BRINP3: variants seen among roughly 807,000 people sequenced by gnomAD.
BRINP3 encodes the protein BMP/retinoic acid inducible neural specific 3.
Under a neutral mutation model 71.0 loss-of-function variants are expected in BRINP3, and 19 were observed. That is an observed-to-expected ratio of 0.27 (90% CI 0.19 to 0.39). The LOEUF is 0.39. Ranked by LOEUF, BRINP3 falls within the 10% of genes least tolerant of loss-of-function variation. The pLI is 1.00. For synonymous variants in BRINP3, 380 were observed against 337.7 expected (o/e 1.13, Z -1.37); for missense variants, 959 against 940.8 (o/e 1.02, Z -0.25).
chr1:190,404,668 C>T (rs1672144515), intron 2 of BRINP3, among the ~76,000 whole-genome samples: 1 of 152,158 alleles, frequency 6.6e-6, no homozygotes, highest in Admixed American at 6.5e-5. Context: ...CCCTTCAAAA[C>T]CCTGTGAGTT....
intron 2 of BRINP3, among the ~76,000 whole-genome samples, chr1:190,283,984 C>A (rs1425579706): frequency 6.6e-6 from 1 of 151,694 alleles, no homozygotes. Flanking sequence ...GATTAAGATA[C>A]AATCTAAGTG....
intron 6 of BRINP3, among the ~76,000 whole-genome samples, chr1:190,166,323 TTTA>T (rs953442677): frequency 2.6e-5 from 4 of 152,250 alleles, no homozygotes; most frequent in African/African-American, 9.6e-5. Flanking sequence ...TTCTCACTAT[TTTA>T]TTTTTCTCTG....
At chr1:190,402,202 C>T (rs919017580) in intron 2 of BRINP3, among the ~76,000 whole-genome samples, 1 of 151,944 alleles carries the variant, frequency 6.6e-6, no homozygotes, top group Non-Finnish European at 1.5e-5. Context: ...AATTTGCCTG[C>T]TATTTTTTCC....
intron 1 of BRINP3, among the ~76,000 whole-genome samples, chr1:190,470,390 TA>T (rs545902397): frequency 2.8e-4 from 43 of 151,232 alleles, no homozygotes; most frequent in African/African-American, 1.0e-3. Context: ...ATTTAATCAA[TA>T]AATGTGTACT....
chr1:190,262,449 A>T (rs1406193542), intron 4 of BRINP3, among the ~76,000 whole-genome samples: 1 of 152,044 alleles, frequency 6.6e-6, no homozygotes, highest in Non-Finnish European at 1.5e-5. Flanking sequence ...GCTGGTGCTT[A>T]TCTTATTTCC....
At chr1:190,189,220 A>G (rs1653815090) in intron 6 of BRINP3, among the ~76,000 whole-genome samples, 1 of 152,110 alleles carries the variant, frequency 6.6e-6, no homozygotes, top group Non-Finnish European at 1.5e-5. Flanking sequence ...AAGAATTTGT[A>G]TTAATTGTTC....
chr1:190,427,568 T>C (rs143490262), intron 2 of BRINP3, among the ~76,000 whole-genome samples: 239 of 152,120 alleles, frequency 1.6e-3, no homozygotes, highest in African/African-American at 5.6e-3. Context: ...TTAAAGGTAA[T>C]AATTGTTTAT....
rs2210561 is a variant in BRINP3, at chr1:190,198,722, G to A, written c.961+27360C>T. On this transcript the variant is annotated intron_variant, in intron 6 of 7. Coordinates refer to ENST00000367462, the MANE Select transcript of BRINP3 (RefSeq NM_199051.3). ...CTCATCTCCATCTGAGACCACCTCA[G>A]TCTCGATATTATTGTTCATATCACT... 2.6e-3 allele frequency among the ~76,000 whole-genome samples: 392 copies of A among 152,172 alleles called. 3 individuals carry two copies. Among genetic ancestry groups the A allele is most frequent in the African/African-American group, 9.1e-3 (379 of 41,532 alleles).
At chr1:190,206,626 T>C (rs1226432625) in intron 6 of BRINP3, among the ~76,000 whole-genome samples, 1 of 152,082 alleles carries the variant, frequency 6.6e-6, no homozygotes, top group East Asian at 1.9e-4. Context: ...GAATCTTAGT[T>C]TGCATTGTGC....
At chr1:190,148,238 G>GCAT (rs1656067773) in intron 7 of BRINP3, among the ~76,000 whole-genome samples, 1 of 151,716 alleles carries the variant, frequency 6.6e-6, no homozygotes, top group African/African-American at 2.4e-5. Flanking sequence ...TTCTCTCTAT[G>GCAT]GAAATTCTAT....
chr1:190,444,772 G>A (rs1206514895), intron 2 of BRINP3, among the ~76,000 whole-genome samples: 1 of 152,094 alleles, frequency 6.6e-6, no homozygotes, highest in Non-Finnish European at 1.5e-5. Flanking sequence ...CTGACCTGGT[G>A]ATCTGTCTGC....
intron 7 of BRINP3, among the ~76,000 whole-genome samples, chr1:190,112,903 A>T (rs2102288076): frequency 6.6e-6 from 1 of 152,304 alleles, no homozygotes; most frequent in Admixed American, 6.5e-5. Context: ...TATTCAAAGC[A>T]CAGGGCTCCA....
At chr1:190,299,526 G>A (rs1219029775) in intron 2 of BRINP3, among the ~76,000 whole-genome samples, 2 of 151,148 alleles carry the variant, frequency 1.3e-5, no homozygotes, top group Non-Finnish European at 3.0e-5. Flanking sequence ...CTGGTGCGCT[G>A]CACCCACTAA....
intron 2 of BRINP3, among the ~76,000 whole-genome samples, chr1:190,371,084 T>C (rs1669830951): frequency 6.6e-6 from 1 of 152,144 alleles, no homozygotes; most frequent in African/African-American, 2.4e-5. Context: ...TAGCCTCTTA[T>C]CACATCTTTG....
intron 2 of BRINP3, among the ~76,000 whole-genome samples, chr1:190,439,868 G>A (rs530956786): frequency 6.6e-6 from 1 of 151,824 alleles, no homozygotes; most frequent in Admixed American, 6.6e-5. Context: ...TTCACATGTC[G>A]TGGGCAAGTT....
At chr1:190,308,968 AG>A (rs1324013441) in intron 2 of BRINP3, among the ~76,000 whole-genome samples, 1 of 151,972 alleles carries the variant, frequency 6.6e-6, no homozygotes, top group African/African-American at 2.4e-5. Flanking sequence ...AATTGAAAGC[AG>A]GGTGTCAAAT....
At chr1:190,364,179 A>G (rs1669337708) in intron 2 of BRINP3, among the ~76,000 whole-genome samples, 1 of 152,126 alleles carries the variant, frequency 6.6e-6, no homozygotes, top group African/African-American at 2.4e-5. Flanking sequence ...CCCTGCTGTC[A>G]GTCAATAGTT....
At chr1:190,273,705 T>G (rs116670911) in intron 3 of BRINP3, among the ~76,000 whole-genome samples, 1,586 of 151,672 alleles carry the variant, frequency 0.01, 24 homozygotes, top group African/African-American at 0.035. Flanking sequence ...GTTGAGTCAA[T>G]GAGAAATAGA....
At chr1:190,363,370 A>C (rs1669276986) in intron 2 of BRINP3, among the ~76,000 whole-genome samples, 1 of 152,318 alleles carries the variant, frequency 6.6e-6, no homozygotes, top group South Asian at 2.1e-4. Context: ...CCTGACACGC[A>C]GAAATAGTGT....
Sources: allele counts gnomAD v4.1 joint callset (sites outside exome capture counted in the v4.1 genomes callset), GRCh38; gene constraint gnomAD v4.1.1; transcripts MANE v1.5; gene names NCBI Gene and HGNC (gene_info 2026-07-23, HGNC 2026-07-21).